The following ITPK1 variants were observed in gnomAD, a reference collection of about 807,000 sequenced individuals.
ITPK1 encodes the protein inositol 1,3,4-trisphosphate 5/6-kinase.
Under a neutral mutation model 45.3 loss-of-function variants are expected in ITPK1, and 21 were observed. The ratio of observed to expected loss-of-function variants is 0.46; its 90% confidence interval spans 0.33 to 0.67. The LOEUF is 0.67. Among genes scored for constraint, ITPK1 ranks in the 30% least tolerant of loss-of-function variants. The pLI is 0.02. For missense variants in ITPK1, 474 were observed against 573.5 expected, an observed-to-expected ratio of 0.83 and a Z score of 1.77; for synonymous variants, 258 against 253.6, an observed-to-expected ratio of 1.02 and a Z score of -0.16.
At chr14:92,983,188 G>A (rs1432950937) in intron 5 of ITPK1, among the ~76,000 whole-genome samples, 1 of 152,220 alleles carries the variant, frequency 6.6e-6, no homozygotes, top group Non-Finnish European at 1.5e-5. Flanking sequence ...GTCTGAGTCT[G>A]GCGGCAGTAG....
rs1947661964 is a variant in ITPK1, at chr14:93,063,781, C to T, written c.120+12814G>A. ...GTGACAAGCCCACCTGTGTGAGCCT[C>T]AGTCCTCTCACCTGGCAAGTGGGGC... On this transcript the variant is annotated intron_variant, in intron 3 of 10. Transcript: ENST00000267615. The surrounding 1 kb of genome is among the most constrained non-coding windows in gnomAD (Gnocchi z 4.3). Among the ~76,000 whole-genome samples, 1 of 152,228 alleles carries T rather than the reference C, an allele frequency of 6.6e-6. No homozygotes were observed. Among genetic ancestry groups the T allele is most frequent in the South Asian group, 2.1e-4 (1 of 4,836 alleles).
intron 2 of ITPK1, among the ~76,000 whole-genome samples, chr14:93,107,089 C>T (rs1020413909): frequency 5.9e-5 from 9 of 152,262 alleles, no homozygotes; most frequent in Non-Finnish European, 7.4e-5. Context: ...TCCCAAGTAG[C>T]TGGGATAACA....
chr14:92,964,270 G>T (rs939812817), intron 5 of ITPK1, among the ~76,000 whole-genome samples: 1 of 152,112 alleles, frequency 6.6e-6, no homozygotes, highest in Non-Finnish European at 1.5e-5. Flanking sequence ...CTGCACAGAG[G>T]CCTGTTCAAT....
At chr14:93,106,247 G>C (rs1167435787) in intron 2 of ITPK1, among the ~76,000 whole-genome samples, 1 of 146,232 alleles carries the variant, frequency 6.8e-6, no homozygotes, top group Admixed American at 7.7e-5. Flanking sequence ...GACCCACGGG[G>C]AGCATTTTGT....
intron 7 of ITPK1, among the ~76,000 whole-genome samples, chr14:92,961,769 C>T (rs1203732093): frequency 6.6e-6 from 1 of 152,272 alleles, no homozygotes; most frequent in Non-Finnish European, 1.5e-5. Context: ...CCATGCCCCA[C>T]TGTGGTGGTA....
chr14:93,046,641 A>C (rs1889790077), intron 3 of ITPK1, among the ~76,000 whole-genome samples: 1 of 152,122 alleles, frequency 6.6e-6, no homozygotes, highest in African/African-American at 2.4e-5. Context: ...ACATCTCCAA[A>C]TGAGTGGTCA....
chr14:93,085,923 G>A (rs1266596050), intron 2 of ITPK1, among the ~76,000 whole-genome samples: 1 of 151,140 alleles, frequency 6.6e-6, no homozygotes, highest in Non-Finnish European at 1.5e-5. Flanking sequence ...TGCTGGGAGA[G>A]GGAGGTAGTG....
intron 9 of ITPK1, among the ~76,000 whole-genome samples, chr14:92,947,331 C>T (rs570070768): frequency 6.6e-6 from 1 of 152,354 alleles, no homozygotes; most frequent in African/African-American, 2.4e-5. Flanking sequence ...GCTCTGTTCT[C>T]CCTCCCAGCC....
At chr14:92,994,332 C>T (rs1886943644) in intron 4 of ITPK1, among the ~76,000 whole-genome samples, 1 of 152,196 alleles carries the variant, frequency 6.6e-6, no homozygotes, top group South Asian at 2.1e-4. Context: ...CGGCCCCATG[C>T]CCCGCACTGA....
chr14:92,988,530 C>A (rs1886616652), intron 5 of ITPK1, among the ~76,000 whole-genome samples: 1 of 152,190 alleles, frequency 6.6e-6, no homozygotes, highest in Non-Finnish European at 1.5e-5. Context: ...GGATGATGGC[C>A]ATGCCACCAG....
chr14:93,055,197 C>T (rs1280445935), intron 3 of ITPK1, among the ~76,000 whole-genome samples: 1 of 152,322 alleles, frequency 6.6e-6, no homozygotes, highest in East Asian at 1.9e-4. Context: ...CATGTACGTA[C>T]CCATTCTACA....
At chr14:93,056,893 T>C (rs1220045415) in intron 3 of ITPK1, among the ~76,000 whole-genome samples, 1 of 152,206 alleles carries the variant, frequency 6.6e-6, no homozygotes, top group Non-Finnish European at 1.5e-5. Context: ...TAAAGTTAAA[T>C]AAACCCCATG....
intron 10 of ITPK1, among the ~76,000 whole-genome samples, chr14:92,944,709 T>C (rs1887598227): frequency 6.6e-6 from 1 of 152,142 alleles, no homozygotes; most frequent in Non-Finnish European, 1.5e-5. Flanking sequence ...CACTTCCTTA[T>C]CCTGAACGTC....
At chr14:93,097,221 T>C (rs1452158515) in intron 2 of ITPK1, among the ~76,000 whole-genome samples, 1 of 152,216 alleles carries the variant, frequency 6.6e-6, no homozygotes, top group Admixed American at 6.5e-5. Context: ...TCCAGGCCCT[T>C]TGCAATGACT....
At chr14:93,067,154 T>C (rs1210526823) in intron 3 of ITPK1, among the ~76,000 whole-genome samples, 1 of 152,196 alleles carries the variant, frequency 6.6e-6, no homozygotes, top group Non-Finnish European at 1.5e-5. Context: ...CTATTTCCCC[T>C]GTGTACTTCA....
intron 4 of ITPK1, among the ~76,000 whole-genome samples, chr14:93,002,233 C>T (rs1012414055): frequency 6.6e-6 from 1 of 152,106 alleles, no homozygotes; most frequent in African/African-American, 2.4e-5. Flanking sequence ...CGCACCTACT[C>T]AGGAGGCTGA....
chr14:93,066,407 C>CTT (rs751357627), intron 3 of ITPK1: 3,874 of 292,102 alleles, frequency 0.013, no homozygotes, highest in East Asian at 0.022. Flanking sequence ...TTTAGCAATT[C>CTT]TTTTTTTTTT....
At chr14:93,052,560 A>G (rs544391546) in intron 3 of ITPK1, among the ~76,000 whole-genome samples, 6 of 152,294 alleles carry the variant, frequency 3.9e-5, no homozygotes, top group Admixed American at 6.5e-5. Flanking sequence ...GGGCCAAAGG[A>G]ACCCCCAGTG....
chr14:93,038,115 C>T (rs1453134343), intron 3 of ITPK1, among the ~76,000 whole-genome samples: 2 of 151,726 alleles, frequency 1.3e-5, no homozygotes, highest in Non-Finnish European at 2.9e-5. Flanking sequence ...TGCAATGGCA[C>T]AGTCTCAGCT....
Sources: gnomAD v4.1 joint callset for allele counts (sites outside exome capture counted in the v4.1 genomes callset) on GRCh38, gnomAD v4.1.1 for gene constraint, Gnocchi (gnomAD v3.1) non-coding constraint, MANE v1.5 for transcripts, NCBI Gene and HGNC (gene_info 2026-07-23, HGNC 2026-07-21) for gene names.